STXBP5: variants seen among roughly 807,000 people sequenced by gnomAD.
The protein encoded by STXBP5 is syntaxin-binding protein 5.
Under a neutral mutation model 152.4 loss-of-function variants are expected in STXBP5, and 50 were observed. The observed-to-expected ratio is 0.33, with a 90% CI of 0.26 to 0.42. STXBP5 has a LOEUF of 0.42. STXBP5 is among the 10% of genes least tolerant of loss of function. The pLI is 1.00. For missense variants in STXBP5, 1,167 were observed against 1,388.6 expected (o/e 0.84, Z 2.54); for synonymous variants, 492 against 494.7 (o/e 0.99, Z 0.07).
At position 147,353,380 on chromosome 6, in the gene STXBP5, AAAAT is replaced by A; in HGVS notation, c.2305+13_2305+16del. 6.4e-7 allele frequency: 1 copy of A among 1,554,286 alleles called. No homozygotes were observed. The highest frequency in any genetic ancestry group is 8.7e-7 in the Non-Finnish European group (1 of 1,146,940). ...GACCTAAAGCCTGATTTAGGTAAGTAAAATAAATATTCAAAATAATTTAACTCCC... is the reference window on the plus strand; with the variant it reads ...GACCTAAAGCCTGATTTAGGTAAGTAAAATATTCAAAATAATTTAACTCCC... On this transcript the variant is annotated splice_region_variant and intron_variant, in intron 22 of 27. Transcript: ENST00000321680.
intron 26 of STXBP5, among the ~76,000 whole-genome samples, chr6:147,376,908 A>T (rs1293008715): frequency 6.6e-6 from 1 of 152,202 alleles, no homozygotes; most frequent in African/African-American, 2.4e-5. Context: ...ATTTAAAAAG[A>T]TGGAAAAGCA....
intron 21 of STXBP5, among the ~76,000 whole-genome samples, chr6:147,343,558 G>A (rs749786838): frequency 7.9e-5 from 12 of 152,074 alleles, no homozygotes; most frequent in African/African-American, 2.2e-4. Flanking sequence ...CTTAGGACTG[G>A]AATCCAGGCT....
At chr6:147,217,529 C>A (rs1777233052) in intron 2 of STXBP5, among the ~76,000 whole-genome samples, 1 of 152,114 alleles carries the variant, frequency 6.6e-6, no homozygotes, top group Non-Finnish European at 1.5e-5. Context: ...CCTGTGATGA[C>A]AAATATAATT....
chr6:147,339,977 A>G (rs1784017929), intron 21 of STXBP5, among the ~76,000 whole-genome samples: 1 of 152,030 alleles, frequency 6.6e-6, no homozygotes, highest in South Asian at 2.1e-4. Flanking sequence ...AAATTAGGGA[A>G]CAAAATATAT....
chr6:147,316,095 C>A, intron 15 of STXBP5, 134 bp from the exon 16 acceptor site: 1 of 878,680 alleles, frequency 1.1e-6, no homozygotes, highest in Admixed American at 3.2e-5. Flanking sequence ...TTTTTGAAAT[C>A]TTGCTAAATT....
At chr6:147,283,604 G>C (rs976466659) in intron 8 of STXBP5, among the ~76,000 whole-genome samples, 4 of 152,128 alleles carry the variant, frequency 2.6e-5, no homozygotes, top group Non-Finnish European at 4.4e-5. Context: ...CCAAGATCTG[G>C]CTTCTGAAGA....
chr6:147,264,342 T>G (rs1779783253), intron 6 of STXBP5, among the ~76,000 whole-genome samples: 2 of 152,118 alleles, frequency 1.3e-5, no homozygotes, highest in Admixed American at 1.3e-4. Context: ...TTTAATTCTA[T>G]GTTTCAAGCA....
intron 4 of STXBP5, among the ~76,000 whole-genome samples, chr6:147,242,540 C>T (rs1778600498): frequency 6.6e-6 from 1 of 152,080 alleles, no homozygotes; most frequent in Non-Finnish European, 1.5e-5. Flanking sequence ...TGATAACTGC[C>T]CTCTATAGGT....
intron 26 of STXBP5, among the ~76,000 whole-genome samples, chr6:147,381,393 C>CA (rs1481903520): frequency 6.6e-6 from 1 of 152,040 alleles, no homozygotes; most frequent in Non-Finnish European, 1.5e-5. Context: ...CAAATGTTGG[C>CA]AAGGATGTGG....
intron 4 of STXBP5, among the ~76,000 whole-genome samples, chr6:147,258,398 C>T (rs1779479702): frequency 6.6e-6 from 1 of 152,110 alleles, no homozygotes; most frequent in Admixed American, 6.6e-5. Flanking sequence ...TCTCTGTGTA[C>T]AAACATGCAC....
rs1562481895 is a variant in STXBP5, at chr6:147,315,598, A to G, written c.1486A>G (p.Ile496Val). Residue 496 changes from isoleucine to valine, a missense_variant, in exon 15 of 28, where the codon ATT (isoleucine) becomes GTT (valine). Ile to Val is a conservative substitution (Grantham distance 29). This residue lies in a region of STXBP5 where 833 missense variants were observed against 986.3 expected (regional missense o/e 0.84). Coordinates refer to ENST00000321680, the MANE Select transcript of STXBP5 (RefSeq NM_001127715.4). ...TAAAGATGACAGGCCAAACACAGAC[A>G]TTGTAGATGAAGATCCATATGCCAT... is the stretch of plus-strand genomic sequence containing the variant. The part of the protein sequence containing the change: ...RNKDDRPNTD[I>V]VDEDPYAIQI... The G allele has an allele frequency of 6.2e-7, 1 of 1,613,932 alleles. No individual in the cohort carries two copies. The highest frequency in any genetic ancestry group is 1.1e-5 in the South Asian group (1 of 91,080).
intron 10 of STXBP5, among the ~76,000 whole-genome samples, chr6:147,310,799 G>A (rs757459712): frequency 6.6e-6 from 1 of 152,076 alleles, no homozygotes; most frequent in Non-Finnish European, 1.5e-5. Flanking sequence ...AGGCCCATTC[G>A]TTTAGAGGGT....
At chr6:147,294,574 G>A (rs659399) in intron 9 of STXBP5, among the ~76,000 whole-genome samples, 73,149 of 151,594 alleles carry the variant, frequency 0.48, 17,793 homozygotes, top group East Asian at 0.72. Flanking sequence ...TGGCAAGGTT[G>A]ACCAAATTTT....
intron 2 of STXBP5, among the ~76,000 whole-genome samples, chr6:147,223,490 G>GA (rs1258906803): frequency 4.0e-5 from 6 of 151,674 alleles, no homozygotes; most frequent in African/African-American, 1.5e-4. Context: ...TATTCAATTA[G>GA]AAAAAAAGGA....
intron 21 of STXBP5, among the ~76,000 whole-genome samples, chr6:147,343,103 C>T (rs1425128828): frequency 6.6e-6 from 1 of 151,972 alleles, no homozygotes; most frequent in Non-Finnish European, 1.5e-5. Context: ...TTGCCGAAAA[C>T]AAGTAGAAAT....
chr6:147,315,760 T>A, intron 15 of STXBP5, 25 bp downstream of exon 15: 1 of 1,587,130 alleles, frequency 6.3e-7, no homozygotes, highest in Non-Finnish European at 8.6e-7. Flanking sequence ...GTTATTTTCA[T>A]GGTCAAGTTA....
At position 147,327,194 on chromosome 6, in the gene STXBP5, G is replaced by T. The variant is rs914886361; in HGVS notation, c.1998G>T (p.Leu666=). The stretch of plus-strand genomic sequence containing the variant: ...TCCAGAAAGCAGTGCTGCTCAACCT[G>T]GGCACTATTGAATTATATGGCTCTA... ...DYLQKAVLLN[L]GTIELYGSND... Residue 666 remains leucine, a synonymous_variant, in exon 18 of 28, where the codon CTG becomes CTT. Transcript: ENST00000321680. 2 of 1,613,924 alleles carry T rather than the reference G, an allele frequency of 1.2e-6. No individual in the cohort carries two copies. The highest frequency in any genetic ancestry group is 2.7e-5 in the African/African-American group (2 of 74,898).
chr6:147,256,815 A>C (rs1779391597), intron 4 of STXBP5, among the ~76,000 whole-genome samples: 1 of 152,144 alleles, frequency 6.6e-6, no homozygotes, highest in Non-Finnish European at 1.5e-5. Flanking sequence ...AATACTCATT[A>C]GGTGTAAGAT....
In STXBP5 at chr6:147,338,821, C is replaced by T. The variant is rs186872657; in HGVS notation, c.2147-358C>T. Among the ~76,000 whole-genome samples the T allele has an allele frequency of 2.6e-5, 4 of 151,664 alleles. No individual in the cohort carries two copies. In the East Asian group the frequency reaches 5.8e-4, roughly 22 times the overall value. On this transcript the variant is annotated intron_variant, in intron 19 of 27. Coordinates refer to ENST00000321680, the MANE Select transcript of STXBP5 (RefSeq NM_001127715.4). ...CAAGATCTTGGTTCTGCTAGAGAAACCTTATTCAGTTAATACTATCAAGAA... is the reference window on the plus strand; with the variant it reads ...CAAGATCTTGGTTCTGCTAGAGAAATCTTATTCAGTTAATACTATCAAGAA...
Sources: gnomAD v4.1 joint callset for allele counts (sites outside exome capture counted in the v4.1 genomes callset) on GRCh38, gnomAD v4.1.1 for gene constraint, gnomAD v4.1.1 regional missense constraint, MANE v1.5 for transcripts, NCBI Gene and HGNC (gene_info 2026-07-23, HGNC 2026-07-21) for gene names.